The following PDE1C variants were observed in gnomAD, a reference collection of about 807,000 sequenced individuals.
PDE1C encodes the protein dual specificity calcium/calmodulin-dependent 3',5'-cyclic nucleotide phosphodiesterase 1C.
PDE1C carries 62 observed loss-of-function variants against 93.1 expected under a neutral mutation model. That is an observed-to-expected ratio of 0.67 (90% CI 0.54 to 0.82). The LOEUF (loss-of-function observed/expected upper bound fraction) is 0.82. PDE1C is among the 40% of genes least tolerant of loss of function. The probability of loss-of-function intolerance (pLI) is 0.00; values close to 1 mark genes in which losing one functional copy is unlikely to be tolerated. For missense variants in PDE1C, 742 were observed against 884.6 expected, an observed-to-expected ratio of 0.84 and a Z score of 2.04; for synonymous variants, 325 against 310.1, an observed-to-expected ratio of 1.05 and a Z score of -0.50.
At chr7:31,926,166 C>G (rs116118737) in intron 2 of PDE1C, among the ~76,000 whole-genome samples, 1 of 152,158 alleles carries the variant, frequency 6.6e-6, no homozygotes, top group Non-Finnish European at 1.5e-5. Context: ...TATACACACA[C>G]GCATATTGCC....
chr7:31,674,499 G>A, the PDE1C span, among the ~76,000 whole-genome samples: 1 of 152,022 alleles, frequency 6.6e-6, no homozygotes, highest in African/African-American at 2.4e-5. Flanking sequence ...CATGATCAGG[G>A]AATATATCTT....
At chr7:31,772,062 A>AG (rs1481252847) in intron 17 of PDE1C, among the ~76,000 whole-genome samples, 1 of 150,740 alleles carries the variant, frequency 6.6e-6, no homozygotes, top group Non-Finnish European at 1.5e-5. Flanking sequence ...AAAAAAAAAA[A>AG]GAAGATATTT....
At chr7:32,142,155 T>G in intron 3 of PDE1C, among the ~76,000 whole-genome samples, 1 of 149,880 alleles carries the variant, frequency 6.7e-6, no homozygotes, top group Non-Finnish European at 1.5e-5. Context: ...GAGAAAGTGA[T>G]AGATAAGGAA....
At chr7:31,960,602 A>C (rs1808807149) in intron 2 of PDE1C, among the ~76,000 whole-genome samples, 1 of 152,172 alleles carries the variant, frequency 6.6e-6, no homozygotes, top group African/African-American at 2.4e-5. Flanking sequence ...AGAGTAAGAG[A>C]GTACTGCTTA....
chr7:31,885,103 T>C (rs1797711288), intron 2 of PDE1C, among the ~76,000 whole-genome samples: 2 of 152,142 alleles, frequency 1.3e-5, no homozygotes, highest in Non-Finnish European at 1.5e-5. Flanking sequence ...TTGGGAAAGA[T>C]GGAGATCTGG....
the PDE1C span, among the ~76,000 whole-genome samples, chr7:31,662,160 C>T: frequency 6.6e-6 from 1 of 152,180 alleles, no homozygotes; most frequent in Non-Finnish European, 1.5e-5. Context: ...GACATTGCCT[C>T]TGTTTATTCA....
At chr7:31,794,189 T>C (rs1785015304) in intron 16 of PDE1C, among the ~76,000 whole-genome samples, 1 of 151,868 alleles carries the variant, frequency 6.6e-6, no homozygotes, top group South Asian at 2.1e-4. Flanking sequence ...TCTTAAAACC[T>C]TGCCTATGCC....
At chr7:31,705,645 G>A in the PDE1C span, among the ~76,000 whole-genome samples, 1 of 152,214 alleles carries the variant, frequency 6.6e-6, no homozygotes, top group Non-Finnish European at 1.5e-5. Context: ...TTAATTTACT[G>A]CTGTTGAATG....
chr7:31,801,831 A>T (rs550464166), intron 16 of PDE1C, among the ~76,000 whole-genome samples: 1 of 151,574 alleles, frequency 6.6e-6, no homozygotes, highest in South Asian at 2.1e-4. Context: ...AAGACAGTAT[A>T]CCAATTTAAA....
chr7:31,642,634 C>T, the PDE1C span: 1 of 1,539,062 alleles, frequency 6.5e-7, no homozygotes, highest in Non-Finnish European at 8.9e-7. Context: ...AACCTATTGC[C>T]TCCTCCACTT....
the PDE1C span, among the ~76,000 whole-genome samples, chr7:31,721,803 G>A: frequency 6.6e-6 from 1 of 152,188 alleles, no homozygotes; most frequent in African/African-American, 2.4e-5. Context: ...CCACTTTTGT[G>A]GTTGCACAAA....
At chr7:31,998,081 G>A (rs901121269) in intron 2 of PDE1C, among the ~76,000 whole-genome samples, 84 of 151,714 alleles carry the variant, frequency 5.5e-4, no homozygotes, top group African/African-American at 1.9e-3. Context: ...ATGCAGTGGC[G>A]CAATCTTGGC....
chr7:32,407,069 C>T (rs565644417), intron 1 of PDE1C, among the ~76,000 whole-genome samples: 3 of 152,056 alleles, frequency 2.0e-5, no homozygotes, highest in Admixed American at 6.5e-5. Context: ...AGGTCAGGAG[C>T]TCGAGACCAG....
At position 31,824,921 on chromosome 7, in the gene PDE1C, C is replaced by T. The variant is rs749378980; in HGVS notation, c.1352G>A (p.Ser451Asn). Residue 451 changes from serine (S) to asparagine (N), a missense_variant, in exon 13 of 18, where the codon AGT becomes AAT. Physicochemically the swap from Ser to Asn is conservative, Grantham distance 46. This residue lies in a region of PDE1C where 454 missense variants were observed against 459.4 expected (regional missense o/e 0.99). Coordinates refer to ENST00000396191, the MANE Select transcript of PDE1C (RefSeq NM_001191057.4). ...TTGAGAGGTTTCATCGATTAATGGA[C>T]TCACAATCTTCTCGGTCATGTCCGT... ...VLTDMTEKIV[S>N]PLIDETSQTG... The T allele has an allele frequency of 6.2e-7, 1 of 1,613,450 alleles. No homozygotes were observed. Among genetic ancestry groups the T allele is most frequent in the South Asian group, 1.1e-5 (1 of 91,064 alleles).
intron 17 of PDE1C, among the ~76,000 whole-genome samples, chr7:31,765,219 C>T (rs373956034): frequency 6.6e-6 from 1 of 152,092 alleles, no homozygotes; most frequent in African/African-American, 2.4e-5. Flanking sequence ...CTTTTTCAAA[C>T]GATGGCTTCC....
chr7:31,732,642 G>C, the PDE1C span, among the ~76,000 whole-genome samples: 5 of 18,020 alleles, frequency 2.8e-4, no homozygotes, highest in African/African-American at 4.2e-4. Flanking sequence ...CTCTTTCTGT[G>C]TGTGTGTGTG....
rs1562716761 is a variant in PDE1C at position 32,420,229 on chromosome 7, A to ATGTATATATATGTGTATATATATACATG, written c.310+7565_310+7592dup. Reference sequence around the variant, plus strand: ...CATATATATGTATATATACATATATATGTATATATATGTGTATATATATAC... The same window carrying ATGTATATATATGTGTATATATATACATG: ...CATATATATGTATATATACATATATATGTATATATATGTGTATATATATACATGTGTATATATATGTGTATATATATAC... On this transcript the variant is annotated intron_variant, in intron 1 of 1. Transcript: ENST00000672256. Among the ~76,000 whole-genome samples the ATGTATATATATGTGTATATATATACATG allele has an allele frequency of 7.9e-5, 2 of 25,266 alleles. 1 individual carries two copies. Among genetic ancestry groups the ATGTATATATATGTGTATATATATACATG allele is most frequent in the Non-Finnish European group, 1.9e-4 (2 of 10,596 alleles). The allele number at this position is 25,266 out of a possible 152,430, so 16.6% of individuals were successfully genotyped here. A position where few individuals can be genotyped will look rare whatever the true frequency, so the allele number is the denominator to read the frequency against.
chr7:31,814,068 G>T (rs114796593), intron 15 of PDE1C, among the ~76,000 whole-genome samples: 4,269 of 146,982 alleles, frequency 0.029, 72 homozygotes, highest in African/African-American at 0.053. Context: ...ACACGCACGC[G>T]TGCATATATA....
chr7:32,050,232 C>T (rs1793166082), intron 2 of PDE1C, among the ~76,000 whole-genome samples: 1 of 152,206 alleles, frequency 6.6e-6, no homozygotes, highest in Non-Finnish European at 1.5e-5. Flanking sequence ...ATGAGGTCTA[C>T]ACCTCTAGAT....
Sources: allele counts gnomAD v4.1 joint callset (sites outside exome capture counted in the v4.1 genomes callset), GRCh38; gene constraint gnomAD v4.1.1; regional missense constraint gnomAD v4.1.1; transcripts MANE v1.5; gene names NCBI Gene and HGNC (gene_info 2026-07-23, HGNC 2026-07-21).